Variants in FNIP1 observed in about 807,000 individuals in gnomAD.
FNIP1 encodes the protein folliculin-interacting protein 1.
A neutral mutation model predicts 124.5 loss-of-function variants in FNIP1; 40 were observed. The observed-to-expected ratio is 0.32, with a 90% confidence interval of 0.25 to 0.42. The LOEUF (loss-of-function observed/expected upper bound fraction) is 0.42, where lower values mean the gene tolerates loss of function less well. Ranked by LOEUF, FNIP1 falls within the 10% of genes least tolerant of loss-of-function variation. The pLI is 1.00. For synonymous variants in FNIP1, 472 were observed against 470.6 expected, an observed-to-expected ratio of 1.00 and a Z score of -0.04; for missense variants, 1,176 against 1,403.7, an observed-to-expected ratio of 0.84 and a Z score of 2.59.
chr5:131,697,426 A>C (rs1768736715), intron 11 of FNIP1, among the ~76,000 whole-genome samples: 2 of 152,046 alleles, frequency 1.3e-5, no homozygotes, highest in African/African-American at 4.8e-5. Context: ...CGCCTGGCCC[A>C]GATACATATT....
At chr5:131,780,142 G>T (rs1023782901) in intron 1 of FNIP1, among the ~76,000 whole-genome samples, 1 of 152,142 alleles carries the variant, frequency 6.6e-6, no homozygotes, top group Non-Finnish European at 1.5e-5. Flanking sequence ...GACAGTAAAT[G>T]AAATATATGT....
chr5:131,699,720 A>C (rs1768827728), intron 10 of FNIP1, among the ~76,000 whole-genome samples: 1 of 151,574 alleles, frequency 6.6e-6, no homozygotes, highest in Non-Finnish European at 1.5e-5. Context: ...AAATTTGCCC[A>C]GCCTGGCCAA....
chr5:131,659,429 G>A (rs1046682364), intron 15 of FNIP1, among the ~76,000 whole-genome samples: 7 of 152,206 alleles, frequency 4.6e-5, no homozygotes, highest in African/African-American at 1.4e-4. Context: ...GCTGGAGGCC[G>A]CTGTGGCCAT....
intron 1 of FNIP1, among the ~76,000 whole-genome samples, chr5:131,777,307 G>A (rs1561702868): frequency 6.6e-6 from 1 of 151,526 alleles, no homozygotes; most frequent in African/African-American, 2.4e-5. Flanking sequence ...TTTGTACTCT[G>A]AAAACACCTA....
chr5:131,679,420 T>G (rs1327590463), intron 11 of FNIP1, among the ~76,000 whole-genome samples: 1 of 152,168 alleles, frequency 6.6e-6, no homozygotes, highest in Non-Finnish European at 1.5e-5. Flanking sequence ...AGTAAATTAT[T>G]TCCCTACTTT....
chr5:131,776,299 T>TAC (rs1771801805), intron 1 of FNIP1, among the ~76,000 whole-genome samples: 1 of 152,248 alleles, frequency 6.6e-6, no homozygotes, highest in South Asian at 2.1e-4. Context: ...CAATGTGTAT[T>TAC]ACACAACATA....
At chr5:131,712,909 C>T (rs968759886) in intron 6 of FNIP1, among the ~76,000 whole-genome samples, 2 of 152,196 alleles carry the variant, frequency 1.3e-5, no homozygotes, top group African/African-American at 4.8e-5. Context: ...CCACCAAAAG[C>T]CTTCCTGTTG....
intron 1 of FNIP1, among the ~76,000 whole-genome samples, chr5:131,779,516 T>TA (rs201631709): frequency 0.17 from 24,010 of 142,576 alleles, 1,986 homozygotes; most frequent in East Asian, 0.3. Flanking sequence ...CACTTCTAGT[T>TA]AAAAAAAAAA....
chr5:131,655,937 C>CAAAAAAAAAA (rs531712939), intron 15 of FNIP1, among the ~76,000 whole-genome samples: 2 of 131,838 alleles, frequency 1.5e-5, no homozygotes. Context: ...CAAAACAAAA[C>CAAAAAAAAAA]AAAACAAAAA....
chr5:131,647,260 T>G, intron 16 of FNIP1, 55 bp from the exon 17 acceptor site: 2 of 1,304,704 alleles, frequency 1.5e-6, no homozygotes, highest in Non-Finnish European at 1.1e-6. Context: ...CAACTCTCAG[T>G]CATGGCAAAC....
intron 1 of FNIP1, among the ~76,000 whole-genome samples, chr5:131,786,912 T>C (rs1580840512): frequency 6.6e-6 from 1 of 152,360 alleles, no homozygotes; most frequent in South Asian, 2.1e-4. Flanking sequence ...CAGCACATAC[T>C]GAACTAAAGC....
At chr5:131,695,342 A>T (rs1561659640) in intron 11 of FNIP1, among the ~76,000 whole-genome samples, 1 of 152,222 alleles carries the variant, frequency 6.6e-6, no homozygotes, top group Non-Finnish European at 1.5e-5. Context: ...TATACTCTTA[A>T]CTGATAATAC....
chr5:131,765,658 G>A (rs1771395986), intron 1 of FNIP1, among the ~76,000 whole-genome samples: 1 of 152,178 alleles, frequency 6.6e-6, no homozygotes, highest in Non-Finnish European at 1.5e-5. Flanking sequence ...TTAAGTATCT[G>A]ATATTGGCTT....
chr5:131,645,868 G>A (rs1211668843), intron 17 of FNIP1, among the ~76,000 whole-genome samples: 1 of 152,084 alleles, frequency 6.6e-6, no homozygotes, highest in Non-Finnish European at 1.5e-5. Context: ...GTTGTACAAG[G>A]ACACAAGAGT....
At chr5:131,761,666 G>T (rs1193669400) in intron 1 of FNIP1, among the ~76,000 whole-genome samples, 2 of 151,844 alleles carry the variant, frequency 1.3e-5, no homozygotes, top group Admixed American at 6.6e-5. Context: ...AATCAATATT[G>T]TTAAAATGTC....
intron 2 of FNIP1, 52 bp from the exon 3 acceptor site, chr5:131,731,090 C>T (rs1321790212): frequency 6.6e-7 from 1 of 1,518,136 alleles, no homozygotes; most frequent in Non-Finnish European, 8.9e-7. Flanking sequence ...TAACCATATA[C>T]AAATTTCATC....
chr5:131,702,303 A>G (rs1186737265), intron 10 of FNIP1, among the ~76,000 whole-genome samples: 1 of 152,110 alleles, frequency 6.6e-6, no homozygotes, highest in East Asian at 1.9e-4. Context: ...CGGCCTCCCT[A>G]GTAGCTGAGA....
intron 2 of FNIP1, among the ~76,000 whole-genome samples, chr5:131,742,182 G>C (rs996012532): frequency 6.6e-6 from 1 of 152,062 alleles, no homozygotes; most frequent in Non-Finnish European, 1.5e-5. Context: ...TTGGTAAATA[G>C]GCCAGGCAAA....
At chr5:131,649,536 T>C (rs1766985121) in intron 16 of FNIP1, among the ~76,000 whole-genome samples, 1 of 152,216 alleles carries the variant, frequency 6.6e-6, no homozygotes, top group Non-Finnish European at 1.5e-5. Context: ...TAGGAGTTAT[T>C]TATATATTCT....
Sources: allele counts gnomAD v4.1 joint callset (sites outside exome capture counted in the v4.1 genomes callset), GRCh38; gene constraint gnomAD v4.1.1; transcripts MANE v1.5; gene names NCBI Gene and HGNC (gene_info 2026-07-23, HGNC 2026-07-21).